The following TDRD15 variants were observed in gnomAD, a reference collection of about 807,000 sequenced individuals.
TDRD15 encodes tudor domain containing 15.
For missense variants in TDRD15, 1,416 were observed against 904.7 expected, an observed-to-expected ratio of 1.57 and a Z score of -7.25; for synonymous variants, 503 against 314.5, an observed-to-expected ratio of 1.60 and a Z score of -6.34.
chr2:21,124,252 C>T (rs761043609), intron 1 of TDRD15, among the ~76,000 whole-genome samples: 10 of 152,156 alleles, frequency 6.6e-5, no homozygotes, highest in Non-Finnish European at 1.5e-4. Context: ...CCCTCCCACC[C>T]GGGAGCAGCA....
intron 2 of TDRD15, among the ~76,000 whole-genome samples, chr2:21,129,369 C>T (rs768513056): frequency 3.3e-5 from 5 of 152,114 alleles, no homozygotes; most frequent in African/African-American, 4.8e-5. Context: ...TTCTTGCTAA[C>T]GCTTGTAATT....
At chr2:21,128,653 A>G (rs1457460462) in intron 2 of TDRD15, among the ~76,000 whole-genome samples, 1 of 152,044 alleles carries the variant, frequency 6.6e-6, no homozygotes, top group African/African-American at 2.4e-5. Context: ...ATTTTAGCAT[A>G]TATGTACTTA....
chr2:21,128,390 T>C (rs1665640670), intron 2 of TDRD15, among the ~76,000 whole-genome samples: 7 of 151,678 alleles, frequency 4.6e-5, no homozygotes, highest in Admixed American at 4.6e-4. Flanking sequence ...TGGCGTGATC[T>C]CAGCTCACTG....
intron 1 of TDRD15, among the ~76,000 whole-genome samples, chr2:21,126,436 G>C (rs929963932): frequency 4.0e-5 from 6 of 151,366 alleles, no homozygotes; most frequent in Non-Finnish European, 7.4e-5. Flanking sequence ...GTGGGACCTC[G>C]TCTCGCCGCA....
At chr2:21,128,679 C>G (rs1665648758) in intron 2 of TDRD15, among the ~76,000 whole-genome samples, 1 of 151,970 alleles carries the variant, frequency 6.6e-6, no homozygotes, top group Non-Finnish European at 1.5e-5. Flanking sequence ...GTTCTTCATT[C>G]CTTTTATGGT....
chr2:21,140,596 A>G lies in TDRD15; in HGVS notation c.3129A>G (p.Gln1043=), dbSNP rs1278339623. The G allele has an allele frequency of 1.4e-6, 1 of 714,614 alleles. No homozygotes were observed. Among genetic ancestry groups the G allele is most frequent in the Non-Finnish European group, 2.6e-6 (1 of 383,478 alleles). The allele number at this position is 714,614 out of a possible 1,614,324, so 44.3% of individuals were successfully genotyped here. The change falls in exon 4 of 4, where the codon CAA becomes CAG. Residue 1043 remains glutamine (Q), a synonymous_variant. Transcript: ENST00000405799. ...AIPTDSSSEF[Q]VYFVDFGNKQ... ...CAACAGATTCATCATCTGAGTTTCA[A>G]GTCTATTTTGTAGACTTTGGAAATA...
intron 3 of TDRD15, among the ~76,000 whole-genome samples, chr2:21,135,803 A>T (rs1665796856): frequency 6.6e-6 from 1 of 151,806 alleles, no homozygotes; most frequent in Non-Finnish European, 1.5e-5. Flanking sequence ...CCAGATGTTT[A>T]CCCCTTCTGA....
downstream of TDRD15, among the ~76,000 whole-genome samples, chr2:21,145,733 T>C (rs1211815156): frequency 6.6e-6 from 1 of 151,992 alleles, no homozygotes; most frequent in East Asian, 1.9e-4. Flanking sequence ...AACTGGTTTT[T>C]ATTGCCTTTA....
downstream of TDRD15, among the ~76,000 whole-genome samples, chr2:21,144,644 A>G (rs312967): frequency 0.32 from 48,080 of 151,654 alleles, 9,540 homozygotes; most frequent in East Asian, 0.63. Flanking sequence ...TATATGTATT[A>G]TCTCATTTAA....
intron 2 of TDRD15, among the ~76,000 whole-genome samples, chr2:21,131,752 T>C (rs897338029): frequency 6.6e-6 from 1 of 152,206 alleles, no homozygotes; most frequent in Non-Finnish European, 1.5e-5. Context: ...TCTGTGTTTT[T>C]AGTGGGTTTA....
At chr2:21,129,249 A>G (rs544344785) in intron 2 of TDRD15, among the ~76,000 whole-genome samples, 22 of 152,270 alleles carry the variant, frequency 1.4e-4, no homozygotes, top group Non-Finnish European at 7.4e-5. Context: ...TTTGGTCTAT[A>G]TCTAGTAATG....
chr2:21,142,762 G>A lies in TDRD15; in HGVS notation c.5295G>A (p.Leu1765=). The change falls in exon 4 of 4, where the codon TTG becomes TTA. Residue 1765 remains leucine (L), a synonymous_variant. Coordinates refer to ENST00000405799, the MANE Select transcript of TDRD15 (RefSeq NM_001306137.2). ...FFDIMKYLFM[L]LSDLPETLQT... is the part of the protein sequence containing the mutation. ...ACATAATGAAATACCTTTTTATGTT[G>A]CTTTCTGATCTACCAGAGACCTTAC... 7.0e-6 allele frequency: 5 copies of A among 713,984 alleles called. No individual in the cohort carries two copies. The highest frequency in any genetic ancestry group is 1.3e-5 in the Non-Finnish European group (5 of 383,294). The allele number at this position is 713,984 out of a possible 1,614,324, so 44.2% of individuals were successfully genotyped here.
At chr2:21,125,706 T>G (rs747357893) in intron 1 of TDRD15, among the ~76,000 whole-genome samples, 34 of 152,154 alleles carry the variant, frequency 2.2e-4, no homozygotes, top group Non-Finnish European at 1.6e-4. Context: ...GAGGGTAAAG[T>G]GAATTACCTT....
rs1257368428 is a variant in TDRD15 at position 21,140,664 on chromosome 2, A to G, written c.3197A>G (p.Gln1066Arg). 2.8e-6 allele frequency: 2 copies of G among 715,232 alleles called. No individual in the cohort carries two copies. The highest frequency in any genetic ancestry group is 4.0e-5 in the Admixed American group (2 of 49,866). 44.3% of individuals were successfully genotyped at this position (715,232 alleles called of 1,614,324 possible). The change falls in exon 4 of 4, where the codon CAG becomes CGG. Residue 1066 changes from glutamine to arginine, a missense_variant. Transcript: ENST00000405799. ...AATATGTTGAGGGCCATTTCAGCTC[A>G]GTTTCCAGAGTTGTTGTTTACACCT... ...GENMLRAISA[Q>R]FPELLFTPMQ...
rs1244974492 is a variant in TDRD15, at chr2:21,139,829, CA to C, written c.2365del (p.Ile789PhefsTer33). On this transcript the variant is annotated frameshift_variant, in exon 4 of 4. Coordinates refer to ENST00000405799, the MANE Select transcript of TDRD15 (RefSeq NM_001306137.2). LOFTEE classifies it low-confidence loss of function (END_TRUNC). ...AGAAGACCTAAAATTACTAATGGAGCAAATTCAGAATTACTATAGTATTCAT... is the reference window on the plus strand; with the variant it reads ...AGAAGACCTAAAATTACTAATGGAGCAATTCAGAATTACTATAGTATTCAT... Reference protein sequence around the residue: ...KSEDLKLLMEQIQNYYSIHSD... With the variant: ...KSEDLKLLMEXIQNYYSIHSD... The C allele has an allele frequency of 1.4e-6, 1 of 715,272 alleles. No homozygotes were observed. Among genetic ancestry groups the C allele is most frequent in the Non-Finnish European group, 2.6e-6 (1 of 383,956 alleles). The allele number at this position is 715,272 out of a possible 1,614,324, so 44.3% of individuals were successfully genotyped here. A position where few individuals can be genotyped will look rare whatever the true frequency, so the allele number is the denominator to read the frequency against.
At position 21,134,189 on chromosome 2, in the gene TDRD15, A is replaced by C. The variant is rs1301544396; in HGVS notation, c.-89-573A>C. On this transcript the variant is annotated intron_variant, in intron 2 of 3. Transcript: ENST00000405799. ...AAGGGTTTTCTCTATCAATTTTAAT[A>C]GTATTTGTAGATTATATTTTCCTCA... Among the ~76,000 whole-genome samples the C allele has an allele frequency of 2.6e-5, 4 of 151,958 alleles. No homozygotes were observed. In the East Asian group the frequency reaches 7.7e-4, roughly 29 times the overall value.
Position 21,139,899 on chromosome 2 carries a change from A to G in TDRD15, c.2432A>G (p.Tyr811Cys), listed in dbSNP as rs1665886540. 1.4e-6 allele frequency: 1 copy of G among 716,128 alleles called. No individual in the cohort carries two copies. The highest frequency in any genetic ancestry group is 2.6e-6 in the Non-Finnish European group (1 of 384,102). 44.4% of individuals were successfully genotyped at this position (716,128 alleles called of 1,614,324 possible). ...GGGCAGACTGCTTGTGTTGCTAAGT[A>G]TTCTGGGAAGTGGTGTAGAGCTGCT... ...EIGQTACVAK[Y>C]SGKWCRAAVL... is the part of the protein sequence containing the mutation. Residue 811 changes from tyrosine (Y) to cysteine (C), a missense_variant, in exon 4 of 4, where the codon TAT becomes TGT. Tyr to Cys is a radical substitution (Grantham distance 194, BLOSUM62 -2). Coordinates refer to ENST00000405799, the MANE Select transcript of TDRD15 (RefSeq NM_001306137.2).
At position 21,137,657 on chromosome 2, in the gene TDRD15, G is replaced by C. The variant is rs1397732455; in HGVS notation, c.190G>C (p.Glu64Gln). The change falls in exon 4 of 4, where the codon GAA (glutamate) becomes CAA (glutamine). Residue 64 changes from glutamate (E) to glutamine (Q), a missense_variant. By Grantham distance (29) the Glu-to-Gln change is conservative (BLOSUM62 2). Transcript: ENST00000405799. Reference protein sequence around the residue: ...PKVKNNVEIDEFCLVEERVSG... With the variant: ...PKVKNNVEIDQFCLVEERVSG... ...AGTGAAAAATAATGTGGAAATTGAT[G>C]AATTTTGTTTGGTGGAAGAAAGAGT... 2.8e-6 allele frequency: 2 copies of C among 712,638 alleles called. No individual in the cohort carries two copies. The highest frequency in any genetic ancestry group is 5.2e-6 in the Non-Finnish European group (2 of 383,346). The allele number at this position is 712,638 out of a possible 1,614,324, so 44.1% of individuals were successfully genotyped here. A position where few individuals can be genotyped will look rare whatever the true frequency, so the allele number is the denominator to read the frequency against.
Position 21,141,173 on chromosome 2 carries a change from A to G in TDRD15, c.3706A>G (p.Ile1236Val), listed in dbSNP as rs1665919940. Residue 1236 changes from isoleucine (I) to valine (V), a missense_variant, in exon 4 of 4, where the codon ATA becomes GTA. Coordinates refer to ENST00000405799, the MANE Select transcript of TDRD15 (RefSeq NM_001306137.2). ...TTCTTTGAATGATGGGCTTAAAGGTATAAAAATTGTCCCTGGAGCTGCACA... is the reference window on the plus strand; with the variant it reads ...TTCTTTGAATGATGGGCTTAAAGGTGTAAAAATTGTCCCTGGAGCTGCACA... ...KTSLNDGLKGIKIVPGAAHIL... is the reference protein window; with the variant it reads ...KTSLNDGLKGVKIVPGAAHIL... The G allele has an allele frequency of 2.8e-6, 2 of 714,990 alleles. No individual in the cohort carries two copies. Among genetic ancestry groups the G allele is most frequent in the Admixed American group, 2.0e-5 (1 of 49,724 alleles). 44.3% of individuals were successfully genotyped at this position (714,990 alleles called of 1,614,324 possible).
Sources: gnomAD v4.1 joint callset for allele counts (sites outside exome capture counted in the v4.1 genomes callset) on GRCh38, gnomAD v4.1.1 for gene constraint, MANE v1.5 for transcripts, NCBI Gene and HGNC (gene_info 2026-07-23, HGNC 2026-07-21) for gene names.